The following CPSF6 variants were observed in gnomAD, a reference collection of about 807,000 sequenced individuals.
The protein encoded by CPSF6 is cleavage and polyadenylation specific factor 6, also known as cleavage and polyadenylation specificity factor subunit 6.
Under a neutral mutation model 56.7 loss-of-function variants are expected in CPSF6, and 10 were observed. That is an observed-to-expected ratio of 0.18 (90% CI 0.11 to 0.30). The LOEUF (loss-of-function observed/expected upper bound fraction) is 0.30. Among genes scored for constraint, CPSF6 ranks in the 10% least tolerant of loss-of-function variants. The probability of loss-of-function intolerance (pLI) is 1.00; values close to 1 mark genes in which losing one functional copy is unlikely to be tolerated. For synonymous variants in CPSF6, 248 were observed against 244.8 expected, an observed-to-expected ratio of 1.01 and a Z score of -0.12; for missense variants, 419 against 722.9, an observed-to-expected ratio of 0.58 and a Z score of 4.82.
chr12:69,254,293 C>G (rs1041438441), intron 3 of CPSF6, among the ~76,000 whole-genome samples: 3 of 152,152 alleles, frequency 2.0e-5, no homozygotes, highest in Admixed American at 6.5e-5. Flanking sequence ...CCTTTCTAAC[C>G]CTATCCTACC....
In CPSF6 at chr12:69,258,168, G is replaced by A; in HGVS notation, c.694+263G>A. The A allele has an allele frequency of 1.6e-6, 2 of 1,282,192 alleles. No individual in the cohort carries two copies. Among genetic ancestry groups the A allele is most frequent in the Non-Finnish European group, 2.2e-6 (2 of 918,980 alleles). The allele number at this position is 1,282,192 out of a possible 1,614,324, so 79.4% of individuals were successfully genotyped here. On this transcript the variant is annotated intron_variant, in intron 5 of 9. Coordinates refer to ENST00000435070, the MANE Select transcript of CPSF6 (RefSeq NM_007007.3). The surrounding 1 kb of genome is among the most constrained non-coding windows in gnomAD (Gnocchi z 4.2). ...AAGGTCTTTATTTTTCTCCAAACTT[G>A]CTTGACTTATATATAGAATATTTAC...
At chr12:69,253,634 T>A (rs1414784101) in intron 3 of CPSF6, among the ~76,000 whole-genome samples, 1 of 152,172 alleles carries the variant, frequency 6.6e-6, no homozygotes, top group Non-Finnish European at 1.5e-5. Context: ...TCATTGATGT[T>A]TACTTTTAAC....
rs753925786 is a variant in CPSF6 at position 69,274,151 on chromosome 12, A to G, written c.*4643A>G. Reference sequence around the variant, plus strand: ...TTGCTGTCCATGAGAATTAGACTTCATATTAGCTTCAATTAAAAAGCTCAT... The same window carrying G: ...TTGCTGTCCATGAGAATTAGACTTCGTATTAGCTTCAATTAAAAAGCTCAT... On this transcript the variant is annotated 3_prime_UTR_variant, in exon 10 of 10. Coordinates refer to ENST00000435070, the MANE Select transcript of CPSF6 (RefSeq NM_007007.3). 1 of 133,274 alleles carries G rather than the reference A, an allele frequency of 7.5e-6. No individual in the cohort carries two copies. Among genetic ancestry groups the G allele is most frequent in the Non-Finnish European group, 1.6e-5 (1 of 64,504 alleles). The allele number at this position is 133,274 out of a possible 1,614,324, so 8.3% of individuals were successfully genotyped here.
chr12:69,268,329 A>G (rs949759455), intron 9 of CPSF6, among the ~76,000 whole-genome samples: 3 of 151,768 alleles, frequency 2.0e-5, no homozygotes, highest in African/African-American at 7.2e-5. Context: ...ATAAAAGAGA[A>G]GTCTGGATTG....
intron 3 of CPSF6, among the ~76,000 whole-genome samples, chr12:69,253,380 T>G (rs190822720): frequency 6.6e-5 from 10 of 152,278 alleles, no homozygotes; most frequent in Admixed American, 5.2e-4. Context: ...GTGGACAGAT[T>G]TATTTTCTAT....
At chr12:69,249,152 C>CGGTGGGTGG (rs1491257320) in intron 1 of CPSF6, among the ~76,000 whole-genome samples, 1 of 16,616 alleles carries the variant, frequency 6.0e-5, no homozygotes, top group Admixed American at 7.7e-4. Context: ...CCCAGCTACT[C>CGGTGGGTGG]GGGGGGGGGG....
At chr12:69,260,248 T>C in intron 8 of CPSF6, 51 bp downstream of exon 8, 2 of 1,363,740 alleles carry the variant, frequency 1.5e-6, no homozygotes, top group Non-Finnish European at 2.0e-6. Flanking sequence ...AGTTTACAAA[T>C]GGAAAAAATA....
chr12:69,266,795 A>G (rs1289560192), intron 9 of CPSF6, among the ~76,000 whole-genome samples: 3 of 152,086 alleles, frequency 2.0e-5, no homozygotes, highest in East Asian at 1.9e-4. Flanking sequence ...GTTTATTTCT[A>G]TTTTACTGGG....
intron 1 of CPSF6, among the ~76,000 whole-genome samples, chr12:69,247,730 A>G (rs1871989337): frequency 6.6e-6 from 1 of 152,192 alleles, no homozygotes; most frequent in Non-Finnish European, 1.5e-5. Context: ...TTATGAAGTA[A>G]GAACAAAGTT....
chr12:69,245,259 A>T (rs1347982341), intron 1 of CPSF6, among the ~76,000 whole-genome samples: 1 of 152,178 alleles, frequency 6.6e-6, no homozygotes, highest in Non-Finnish European at 1.5e-5. Flanking sequence ...CACCAGCATT[A>T]CGAGCCCAAA....
In CPSF6 at chr12:69,258,180, TATA is replaced by T; in HGVS notation, c.694+276_694+278del. Reference sequence around the variant, plus strand: ...TTTCTCCAAACTTGCTTGACTTATATATAGAATATTTACATCCGTCTTACTTTC... The same window carrying T: ...TTTCTCCAAACTTGCTTGACTTATATGAATATTTACATCCGTCTTACTTTC... On this transcript the variant is annotated intron_variant, in intron 5 of 9. Coordinates refer to ENST00000435070, the MANE Select transcript of CPSF6 (RefSeq NM_007007.3). The surrounding 1 kb of genome is among the most constrained non-coding windows in gnomAD (Gnocchi z 4.2). 1 of 1,137,646 alleles carries T rather than the reference TATA, an allele frequency of 8.8e-7. No homozygotes were observed. Among genetic ancestry groups the T allele is most frequent in the Non-Finnish European group, 1.3e-6 (1 of 795,888 alleles). The allele number at this position is 1,137,646 out of a possible 1,614,324, so 70.5% of individuals were successfully genotyped here.
intron 4 of CPSF6, 42 bp from the exon 5 acceptor site, chr12:69,257,688 CTA>C (rs747456581): frequency 5.2e-6 from 8 of 1,533,888 alleles, no homozygotes; most frequent in African/African-American, 4.2e-5. Flanking sequence ...TTTCAGAAAA[CTA>C]TTTTTAATAA....
chr12:69,260,286 CT>C, intron 8 of CPSF6, 89 bp downstream of exon 8: 1 of 977,798 alleles, frequency 1.0e-6, no homozygotes, highest in Non-Finnish European at 1.5e-6. Context: ...GAGGACTTTG[CT>C]TTTACTTACT....
chr12:69,267,164 T>C (rs970796185), intron 9 of CPSF6, among the ~76,000 whole-genome samples: 1 of 151,986 alleles, frequency 6.6e-6, no homozygotes, highest in African/African-American at 2.4e-5. Context: ...AATGTGAAAA[T>C]CTATAAAAGT....
rs1326693222 is a variant in CPSF6 at position 69,249,162 on chromosome 12, G to T, written c.61-1967G>T. Among the ~76,000 whole-genome samples the T allele has an allele frequency of 3.7e-4, 27 of 72,536 alleles. 4 individuals are homozygous for T. Among genetic ancestry groups the T allele is most frequent in the African/African-American group, 7.6e-4 (16 of 21,172 alleles). 47.6% of individuals were successfully genotyped at this position (72,536 alleles called of 152,430 possible). On this transcript the variant is annotated intron_variant, in intron 1 of 9. Transcript: ENST00000435070. ...GTAGTCCCAGCTACTCGGGGGGGGG[G>T]GGGGGGGCTGAGGCAGGAGAATGGC...
intron 3 of CPSF6, 25 bp from the exon 4 acceptor site, chr12:69,256,672 T>A (rs763256128): frequency 3.1e-6 from 5 of 1,591,714 alleles, no homozygotes; most frequent in African/African-American, 1.4e-5. Context: ...TTACTTTGTA[T>A]CCTCACCCCT....
In CPSF6 at chr12:69,257,723, T is replaced by C; in HGVS notation, c.521-9T>C. On this transcript the variant is annotated splice_polypyrimidine_tract_variant and intron_variant, in intron 4 of 9. Transcript: ENST00000435070. ...TAAGTGCTATTTATGAGTATTTGGA[T>C]ATTTGCAGCTACACAATCAGGACAA... 1 of 1,602,966 alleles carries C rather than the reference T, an allele frequency of 6.2e-7. No individual in the cohort carries two copies. Among genetic ancestry groups the C allele is most frequent in the Non-Finnish European group, 8.5e-7 (1 of 1,177,236 alleles).
chr12:69,240,209 C>T (rs914570370), intron 1 of CPSF6, among the ~76,000 whole-genome samples: 2 of 152,320 alleles, frequency 1.3e-5, no homozygotes, highest in Non-Finnish European at 2.9e-5. Flanking sequence ...GTCTCCCTGC[C>T]CGCGCACTGT....
At chr12:69,245,295 C>G (rs545392953) in intron 1 of CPSF6, among the ~76,000 whole-genome samples, 5 of 152,096 alleles carry the variant, frequency 3.3e-5, no homozygotes, top group African/African-American at 1.2e-4. Flanking sequence ...GGGCTAAGAT[C>G]GCTAAACAAT....
Sources: gnomAD v4.1 joint callset for allele counts (sites outside exome capture counted in the v4.1 genomes callset) on GRCh38, gnomAD v4.1.1 for gene constraint, Gnocchi (gnomAD v3.1) non-coding constraint, MANE v1.5 for transcripts, NCBI Gene and HGNC (gene_info 2026-07-23, HGNC 2026-07-21) for gene names.